ZNF385D: variants seen among roughly 807,000 people sequenced by gnomAD.
ZNF385D encodes the protein zinc finger protein 385D, also known as zinc finger protein 659.
In ZNF385D, 15 loss-of-function variants were observed where a neutral mutation model predicts 35.8. The ratio of observed to expected loss-of-function variants is 0.42; its 90% CI spans 0.28 to 0.64. ZNF385D has a LOEUF of 0.64. ZNF385D is among the 30% of genes least tolerant of loss of function. The probability of loss-of-function intolerance (pLI) is 0.23; values close to 1 mark genes in which losing one functional copy is unlikely to be tolerated. For missense variants in ZNF385D, 474 were observed against 494.6 expected (o/e 0.96, Z 0.39); for synonymous variants, 212 against 186.8 (o/e 1.13, Z -1.10).
At chr3:21,616,965 C>CA (rs2064865645) in intron 2 of ZNF385D, among the ~76,000 whole-genome samples, 1 of 152,198 alleles carries the variant, frequency 6.6e-6, no homozygotes, top group Non-Finnish European at 1.5e-5. Flanking sequence ...TGAAAGGTCT[C>CA]AAAAAAGTCA....
At position 21,439,380 on chromosome 3, in the gene ZNF385D, T is replaced by A. The variant is rs17008732; in HGVS notation, c.440-2177A>T. ...TGCATAGTAAGGTCACAGGGAGCAG[T>A]GGGCTAAAACCACTAAATTGTTCTT... On this transcript the variant is annotated intron_variant, in intron 4 of 7. Coordinates refer to ENST00000281523, the MANE Select transcript of ZNF385D (RefSeq NM_024697.3). 5.4e-3 allele frequency among the ~76,000 whole-genome samples: 818 copies of A among 150,710 alleles called. 5 individuals carry two copies. The highest frequency in any genetic ancestry group is 0.019 in the African/African-American group (787 of 41,116).
At chr3:21,720,688 G>C (rs772613399) in intron 1 of ZNF385D, among the ~76,000 whole-genome samples, 1 of 152,204 alleles carries the variant, frequency 6.6e-6, no homozygotes, top group Non-Finnish European at 1.5e-5. Context: ...TTTGAGAAGA[G>C]TGACTTGGAG....
At chr3:21,921,892 T>C (rs1439389630) in intron 3 of ZNF385D, among the ~76,000 whole-genome samples, 2 of 148,142 alleles carry the variant, frequency 1.4e-5, no homozygotes, top group African/African-American at 5.0e-5. Context: ...AACAGATAGA[T>C]TCACAGCCAA....
chr3:22,195,040 G>A (rs1484340597), intron 2 of ZNF385D, among the ~76,000 whole-genome samples: 3 of 151,722 alleles, frequency 2.0e-5, no homozygotes, highest in African/African-American at 4.8e-5. Context: ...ATAAGAAACT[G>A]CAAATTATTT....
chr3:22,299,222 T>C lies in ZNF385D; in HGVS notation c.106+73228A>G, dbSNP rs115225375. On this transcript the variant is annotated intron_variant, in intron 2 of 5. Coordinates refer to the ZNF385D transcript ENST00000494108. ...CTATGGAAATGACTATCAGTTCTTT[T>C]AAGATTATAATTTATATAATGATTA... 4.8e-3 allele frequency among the ~76,000 whole-genome samples: 727 copies of C among 152,020 alleles called. 2 individuals are homozygous for C. The highest frequency in any genetic ancestry group is 0.017 in the African/African-American group (694 of 41,524).
intron 2 of ZNF385D, among the ~76,000 whole-genome samples, chr3:22,220,037 G>A (rs2728983): frequency 0.75 from 113,332 of 150,994 alleles, 43,454 homozygotes; most frequent in East Asian, 0.91. Flanking sequence ...GGAAAGTTAT[G>A]ATTACTTCTA....
intron 2 of ZNF385D, among the ~76,000 whole-genome samples, chr3:22,254,147 A>G (rs995840621): frequency 1.2e-4 from 18 of 151,896 alleles, no homozygotes; most frequent in African/African-American, 3.9e-4. Flanking sequence ...TGATCAGTTA[A>G]AGAGAGAAAG....
chr3:21,917,341 A>T (rs569916576), intron 3 of ZNF385D, among the ~76,000 whole-genome samples: 10 of 152,220 alleles, frequency 6.6e-5, no homozygotes, highest in African/African-American at 2.4e-4. Flanking sequence ...CCGAGGCAAG[A>T]GAATCGCTTG....
intron 2 of ZNF385D, among the ~76,000 whole-genome samples, chr3:22,194,311 A>T (rs1025483610): frequency 4.0e-5 from 6 of 151,784 alleles, no homozygotes; most frequent in Non-Finnish European, 8.8e-5. Flanking sequence ...AACGCAAACT[A>T]TATTTACCCT....
chr3:22,085,334 C>A (rs1007041476), intron 3 of ZNF385D, among the ~76,000 whole-genome samples: 1 of 151,926 alleles, frequency 6.6e-6, no homozygotes, highest in African/African-American at 2.4e-5. Flanking sequence ...TCTAACAAGA[C>A]TAATAAAGAA....
intron 2 of ZNF385D, among the ~76,000 whole-genome samples, chr3:22,235,554 G>A (rs538424435): frequency 2.6e-4 from 40 of 152,152 alleles, no homozygotes; most frequent in Middle Eastern, 3.4e-3. Flanking sequence ...ATGCTAAACA[G>A]TGTTTTCTAA....
chr3:21,748,667 G>A (rs1188581736), intron 1 of ZNF385D, among the ~76,000 whole-genome samples: 2 of 152,116 alleles, frequency 1.3e-5, no homozygotes, highest in Non-Finnish European at 2.9e-5. Flanking sequence ...ATTTGCAGTT[G>A]AAAAATGAAG....
In ZNF385D at chr3:22,022,824, T is replaced by C. The variant is rs576594259; in HGVS notation, c.325+145993A>G. The stretch of plus-strand genomic sequence containing the variant: ...GTTCTTTCAAATAACATATGCAAAA[T>C]AGTTACCAGGAAGGCAAAACGAATA... On this transcript the variant is annotated intron_variant, in intron 3 of 5. Transcript: ENST00000494108. 5.3e-5 allele frequency among the ~76,000 whole-genome samples: 8 copies of C among 152,178 alleles called. No homozygotes were observed. In the East Asian group the frequency reaches 1.2e-3, roughly 22 times the overall value.
chr3:22,018,337 C>A (rs1408962786), intron 3 of ZNF385D, among the ~76,000 whole-genome samples: 1 of 151,554 alleles, frequency 6.6e-6, no homozygotes, highest in Non-Finnish European at 1.5e-5. Flanking sequence ...ATAGATTGTA[C>A]ATTATCATTC....
chr3:22,192,471 G>T (rs1352492862), intron 2 of ZNF385D, among the ~76,000 whole-genome samples: 1 of 152,100 alleles, frequency 6.6e-6, no homozygotes, highest in East Asian at 1.9e-4. Context: ...ATGATGGTGT[G>T]TGACTCCTCA....
intron 3 of ZNF385D, among the ~76,000 whole-genome samples, chr3:22,125,044 G>C (rs574565682): frequency 6.6e-6 from 1 of 152,100 alleles, no homozygotes; most frequent in South Asian, 2.1e-4. Context: ...CAGTTTCATA[G>C]TTTGAGATCT....
At chr3:21,586,196 A>T (rs1480135040) in intron 2 of ZNF385D, among the ~76,000 whole-genome samples, 1 of 151,884 alleles carries the variant, frequency 6.6e-6, no homozygotes, top group East Asian at 1.9e-4. Context: ...ACAGAGGGAG[A>T]CTCTGTCCCT....
chr3:21,644,980 A>C (rs2125865614), intron 2 of ZNF385D, among the ~76,000 whole-genome samples: 1 of 152,334 alleles, frequency 6.6e-6, no homozygotes, highest in Admixed American at 6.5e-5. Flanking sequence ...ACACGAAATA[A>C]AAGTACTATC....
intron 2 of ZNF385D, among the ~76,000 whole-genome samples, chr3:21,629,187 T>C (rs768166484): frequency 2.0e-5 from 3 of 152,084 alleles, no homozygotes; most frequent in Non-Finnish European, 4.4e-5. Context: ...TCTCTTTTCT[T>C]GAAGACTTTC....
Sources: allele counts gnomAD v4.1 joint callset (sites outside exome capture counted in the v4.1 genomes callset), GRCh38; gene constraint gnomAD v4.1.1; transcripts MANE v1.5; gene names NCBI Gene and HGNC (gene_info 2026-07-23, HGNC 2026-07-21).